The following NAALADL2 variants were observed in gnomAD, a reference collection of about 807,000 sequenced individuals.
NAALADL2 encodes N-acetylated alpha-linked acidic dipeptidase like 2.
NAALADL2 carries 76 observed loss-of-function variants against 87.2 expected under a neutral mutation model. That is an observed-to-expected ratio of 0.87 (90% CI 0.72 to 1.05). NAALADL2 has a LOEUF of 1.05. NAALADL2 is among the 50% of genes least tolerant of loss of function. NAALADL2 has a pLI of 0.00. For synonymous variants in NAALADL2, 354 were observed against 331.0 expected (o/e 1.07, Z -0.75); for missense variants, 1,089 against 945.8 (o/e 1.15, Z -1.99).
chr3:175,286,299 G>A (rs770405452), intron 4 of NAALADL2, among the ~76,000 whole-genome samples: 22 of 152,286 alleles, frequency 1.4e-4, no homozygotes, highest in Admixed American at 7.8e-4. Context: ...AAAAGGAGGA[G>A]GAGGAGGCTG....
At chr3:174,825,613 A>G (rs1355208718) in intron 3 of NAALADL2, among the ~76,000 whole-genome samples, 1 of 152,184 alleles carries the variant, frequency 6.6e-6, no homozygotes, top group African/African-American at 2.4e-5. Flanking sequence ...CCCTTAACCC[A>G]ATCAAGTTGA....
chr3:174,728,172 A>G (rs493309), intron 2 of NAALADL2, among the ~76,000 whole-genome samples: 45,886 of 151,940 alleles, frequency 0.3, 7,428 homozygotes, highest in Non-Finnish European at 0.37. Context: ...TAAAGATGCT[A>G]TAAGCATCCA....
At chr3:175,518,901 G>A (rs1361228749) in intron 9 of NAALADL2, among the ~76,000 whole-genome samples, 1 of 152,220 alleles carries the variant, frequency 6.6e-6, no homozygotes, top group Admixed American at 6.5e-5. Flanking sequence ...GTTTTAATAT[G>A]TATACATAGG....
chr3:175,300,344 G>A (rs952681878), intron 4 of NAALADL2, among the ~76,000 whole-genome samples: 23 of 152,244 alleles, frequency 1.5e-4, no homozygotes, highest in African/African-American at 5.5e-4. Context: ...CTATTGTTTG[G>A]AATAGTTTCA....
chr3:175,367,634 G>A (rs1283984092), intron 5 of NAALADL2, among the ~76,000 whole-genome samples: 2 of 152,136 alleles, frequency 1.3e-5, no homozygotes, highest in Admixed American at 1.3e-4. Context: ...GTGAATGGGA[G>A]TTCACTCATG....
intron 12 of NAALADL2, among the ~76,000 whole-genome samples, chr3:175,744,651 A>T (rs2150106932): frequency 6.6e-6 from 1 of 152,342 alleles, no homozygotes; most frequent in African/African-American, 2.4e-5. Context: ...ATCATGGTCA[A>T]AGATTATTCA....
intron 2 of NAALADL2, among the ~76,000 whole-genome samples, chr3:175,142,502 C>T (rs1263301560): frequency 1.3e-5 from 2 of 151,930 alleles, no homozygotes; most frequent in Non-Finnish European, 2.9e-5. Flanking sequence ...AGTTACAAGT[C>T]TGTGAAGTAA....
intron 1 of NAALADL2, among the ~76,000 whole-genome samples, chr3:174,528,735 G>A (rs1005457219): frequency 1.3e-5 from 2 of 152,160 alleles, no homozygotes; most frequent in Admixed American, 1.3e-4. Flanking sequence ...TGAAAGGCAC[G>A]TCTCACATGG....
At chr3:175,285,338 T>C (rs1048268779) in intron 4 of NAALADL2, among the ~76,000 whole-genome samples, 1 of 152,132 alleles carries the variant, frequency 6.6e-6, no homozygotes, top group African/African-American at 2.4e-5. Context: ...AATAGAAAAA[T>C]CTCATCTTCT....
chr3:175,327,280 C>T (rs945938276), intron 5 of NAALADL2, among the ~76,000 whole-genome samples: 2 of 151,554 alleles, frequency 1.3e-5, no homozygotes, highest in African/African-American at 2.4e-5. Flanking sequence ...CTCAGCCTCC[C>T]GAGTAGCTGG....
chr3:174,518,052 G>A (rs1455508212), intron 1 of NAALADL2, among the ~76,000 whole-genome samples: 2 of 151,966 alleles, frequency 1.3e-5, no homozygotes, highest in African/African-American at 2.4e-5. Flanking sequence ...GCACAGACTC[G>A]AAAAAACTGG....
At chr3:174,594,754 AAT>A (rs1441341686) in intron 2 of NAALADL2, among the ~76,000 whole-genome samples, 2 of 152,314 alleles carry the variant, frequency 1.3e-5, no homozygotes, top group South Asian at 2.1e-4. Context: ...GGGGCATAGA[AAT>A]ATATGTTTTA....
intron 5 of NAALADL2, among the ~76,000 whole-genome samples, chr3:175,344,158 T>C (rs1418270595): frequency 6.6e-6 from 1 of 152,120 alleles, no homozygotes; most frequent in Non-Finnish European, 1.5e-5. Context: ...TCAAAGTGTT[T>C]ATGTGTTGGC....
At chr3:175,572,293 C>T (rs1377663646) in intron 9 of NAALADL2, among the ~76,000 whole-genome samples, 3 of 151,826 alleles carry the variant, frequency 2.0e-5, no homozygotes, top group Admixed American at 1.3e-4. Flanking sequence ...ATCCCCTCTC[C>T]ATAAATAGTC....
chr3:174,731,387 C>T (rs538269612), intron 2 of NAALADL2, among the ~76,000 whole-genome samples: 3 of 152,210 alleles, frequency 2.0e-5, no homozygotes, highest in Admixed American at 6.5e-5. Flanking sequence ...GGTGGCATTT[C>T]GGCATTTACT....
At chr3:175,705,898 C>T (rs1175656037) in intron 11 of NAALADL2, among the ~76,000 whole-genome samples, 1 of 152,092 alleles carries the variant, frequency 6.6e-6, no homozygotes, top group Non-Finnish European at 1.5e-5. Context: ...TTAACTAAAA[C>T]ATTGATGAAG....
At chr3:175,301,520 C>T (rs1008464659) in intron 4 of NAALADL2, among the ~76,000 whole-genome samples, 1 of 152,154 alleles carries the variant, frequency 6.6e-6, no homozygotes, top group Non-Finnish European at 1.5e-5. Context: ...CTGTATTATA[C>T]ATTTCTGATT....
intron 5 of NAALADL2, among the ~76,000 whole-genome samples, chr3:175,412,096 A>T (rs749363452): frequency 2.0e-5 from 3 of 152,218 alleles, no homozygotes; most frequent in African/African-American, 7.2e-5. Flanking sequence ...GCTAGCAGTC[A>T]CTTGACAGTC....
At chr3:175,064,250 A>T (rs548507217) in intron 1 of NAALADL2, among the ~76,000 whole-genome samples, 4 of 119,990 alleles carry the variant, frequency 3.3e-5, no homozygotes, top group Admixed American at 2.9e-4. Context: ...AAAAGAAGAA[A>T]AAAAAAAAAA....
Sources: allele counts gnomAD v4.1 joint callset (sites outside exome capture counted in the v4.1 genomes callset), GRCh38; gene constraint gnomAD v4.1.1; transcripts MANE v1.5; gene names NCBI Gene and HGNC (gene_info 2026-07-23, HGNC 2026-07-21).